The following MCC variants were observed in gnomAD, a reference collection of about 807,000 sequenced individuals.
MCC encodes the protein colorectal mutant cancer protein.
Under a neutral mutation model 116.2 loss-of-function variants are expected in MCC, and 90 were observed. The ratio of observed to expected loss-of-function variants is 0.77; its 90% CI spans 0.65 to 0.92. The LOEUF is 0.92. Ranked by LOEUF, MCC falls within the 40% of genes least tolerant of loss-of-function variation. The pLI, the probability that MCC is intolerant of heterozygous loss-of-function variation, is 0.00. For missense variants in MCC, 1,516 were observed against 1,312.2 expected, an observed-to-expected ratio of 1.16 and a Z score of -2.40; for synonymous variants, 578 against 510.5, an observed-to-expected ratio of 1.13 and a Z score of -1.78.
chr5:113,144,106 A>G (rs372235592), intron 4 of MCC, among the ~76,000 whole-genome samples: 9 of 152,328 alleles, frequency 5.9e-5, no homozygotes, highest in African/African-American at 1.9e-4. Context: ...GGATGACGAT[A>G]TATCATCGTC....
intron 3 of MCC, among the ~76,000 whole-genome samples, chr5:113,261,514 C>A (rs1255384896): frequency 6.6e-6 from 1 of 152,120 alleles, no homozygotes; most frequent in Non-Finnish European, 1.5e-5. Context: ...TAAAACCAAA[C>A]CCAAAACTCG....
intron 17 of MCC, among the ~76,000 whole-genome samples, chr5:113,036,661 C>G (rs1195316140): frequency 6.6e-6 from 1 of 152,232 alleles, no homozygotes; most frequent in African/African-American, 2.4e-5. Flanking sequence ...GGAAATCCAT[C>G]TGGAGTTTTC....
intron 3 of MCC, among the ~76,000 whole-genome samples, chr5:113,178,099 G>C (rs1207335565): frequency 6.6e-6 from 1 of 152,198 alleles, no homozygotes; most frequent in Non-Finnish European, 1.5e-5. Flanking sequence ...ACACATGCAG[G>C]AAAGTGGGGT....
chr5:113,361,259 A>C (rs11241205), intron 2 of MCC, among the ~76,000 whole-genome samples: 2 of 49,896 alleles, frequency 4.0e-5, no homozygotes, highest in African/African-American at 1.8e-4. Context: ...ATAAATCTTT[A>C]AAAAAAAAAC....
At chr5:113,143,056 C>G (rs986791344) in intron 5 of MCC, among the ~76,000 whole-genome samples, 162 bp downstream of exon 5, 1 of 152,174 alleles carries the variant, frequency 6.6e-6, no homozygotes, top group Non-Finnish European at 1.5e-5. Flanking sequence ...GAGAAATATA[C>G]ACTTCAAAAG....
chr5:113,050,809 GC>G (rs778816461), intron 15 of MCC, among the ~76,000 whole-genome samples: 1 of 152,224 alleles, frequency 6.6e-6, no homozygotes, highest in Non-Finnish European at 1.5e-5. Context: ...GCAGGTGCTG[GC>G]CAGCAAGGCG....
chr5:113,399,691 A>C (rs1769626938), intron 1 of MCC, among the ~76,000 whole-genome samples: 1 of 152,118 alleles, frequency 6.6e-6, no homozygotes, highest in Admixed American at 6.5e-5. Context: ...TTTTTGATTA[A>C]GGAAATCAGA....
rs548865080 is a variant in MCC, at chr5:113,419,499, G to C, written c.171-34287C>G. 1.9e-4 allele frequency among the ~76,000 whole-genome samples: 29 copies of C among 151,960 alleles called. 1 individual carries two copies. The highest frequency in any genetic ancestry group is 6.5e-4 in the African/African-American group (27 of 41,440). On this transcript the variant is annotated intron_variant, in intron 1 of 18. Coordinates refer to ENST00000408903, the MANE Select transcript of MCC (RefSeq NM_001085377.2). Reference sequence around the variant, plus strand: ...GGTGTAAGCCACCATACCCCGTTGTGATAGGAACAGTCTGAAATTTGATAA... The same window carrying C: ...GGTGTAAGCCACCATACCCCGTTGTCATAGGAACAGTCTGAAATTTGATAA...
intron 17 of MCC, among the ~76,000 whole-genome samples, chr5:113,035,407 C>A (rs1364670247): frequency 6.6e-6 from 1 of 152,214 alleles, no homozygotes; most frequent in African/African-American, 2.4e-5. Flanking sequence ...TCCTCCCCTG[C>A]ATCCCTCTGC....
At chr5:113,333,862 T>TACATATGTACATATGTAC in intron 3 of MCC, among the ~76,000 whole-genome samples, 1 of 94,256 alleles carries the variant, frequency 1.1e-5, no homozygotes, top group African/African-American at 3.8e-5. Context: ...TACATATATG[T>TACATATGTACATATGTAC]ATATATGTAT....
chr5:113,082,761 C>A, intron 11 of MCC, 99 bp downstream of exon 11: 4 of 1,458,872 alleles, frequency 2.7e-6, no homozygotes, highest in Non-Finnish European at 3.7e-6. Context: ...TGCTCTATGT[C>A]ACAATACATA....
intron 2 of MCC, among the ~76,000 whole-genome samples, chr5:113,382,589 G>A (rs149556857): frequency 2.0e-5 from 3 of 152,198 alleles, no homozygotes; most frequent in African/African-American, 7.2e-5. Flanking sequence ...TTTGATTTAC[G>A]TTAGGCTGAA....
chr5:113,129,138 G>T (rs1372861786), intron 5 of MCC, among the ~76,000 whole-genome samples: 6 of 152,188 alleles, frequency 3.9e-5, no homozygotes, highest in Non-Finnish European at 8.8e-5. Flanking sequence ...AGATCACAGA[G>T]ATAGGAGGGG....
rs6866778 is a variant in MCC at position 113,078,108 on chromosome 5, G to A, written c.1784+4752C>T. Among the ~76,000 whole-genome samples, 57 of 152,326 alleles carry A rather than the reference G, an allele frequency of 3.7e-4. 2 individuals carry two copies. The highest frequency in any genetic ancestry group is 1.3e-3 in the African/African-American group (54 of 41,576). ...CACCTTCCCAACACTAAACCGGGAAGGAGTTGAATCCCTGAATAGGCCAAT... is the reference window on the plus strand; with the variant it reads ...CACCTTCCCAACACTAAACCGGGAAAGAGTTGAATCCCTGAATAGGCCAAT... On this transcript the variant is annotated intron_variant, in intron 11 of 18. Coordinates refer to ENST00000408903, the MANE Select transcript of MCC (RefSeq NM_001085377.2).
chr5:113,058,884 A>G (rs1453599802), intron 14 of MCC, among the ~76,000 whole-genome samples: 1 of 152,154 alleles, frequency 6.6e-6, no homozygotes, highest in African/African-American at 2.4e-5. Flanking sequence ...CAACAGCCCC[A>G]CAACACCTAA....
At chr5:113,132,662 TTCC>T (rs1212614097) in intron 5 of MCC, among the ~76,000 whole-genome samples, 3 of 152,144 alleles carry the variant, frequency 2.0e-5, no homozygotes, top group African/African-American at 7.2e-5. Flanking sequence ...AAAATCTTTA[TTCC>T]TCAAGGGCCT....
At chr5:113,371,784 T>G (rs1376252938) in intron 2 of MCC, among the ~76,000 whole-genome samples, 1 of 152,224 alleles carries the variant, frequency 6.6e-6, no homozygotes, top group East Asian at 1.9e-4. Flanking sequence ...TTTGCATTAG[T>G]CTTACAAGAG....
intron 4 of MCC, among the ~76,000 whole-genome samples, chr5:113,143,913 C>T (rs181357964): frequency 6.6e-6 from 1 of 152,308 alleles, no homozygotes; most frequent in East Asian, 1.9e-4. Context: ...ACCAAATAAT[C>T]CTAAATGGTA....
intron 8 of MCC, among the ~76,000 whole-genome samples, chr5:113,101,237 C>T (rs895888340): frequency 2.0e-5 from 3 of 151,924 alleles, no homozygotes; most frequent in African/African-American, 7.3e-5. Flanking sequence ...TATATGCACA[C>T]AATGTACAAG....
Sources: allele counts gnomAD v4.1 joint callset (sites outside exome capture counted in the v4.1 genomes callset), GRCh38; gene constraint gnomAD v4.1.1; transcripts MANE v1.5; gene names NCBI Gene and HGNC (gene_info 2026-07-23, HGNC 2026-07-21).